APP: variants seen among roughly 807,000 people sequenced by gnomAD.
APP encodes the protein amyloid-beta precursor protein.
APP carries 31 observed loss-of-function variants against 101.4 expected under a neutral mutation model. The observed-to-expected ratio is 0.31, with a 90% CI of 0.23 to 0.41. The LOEUF (loss-of-function observed/expected upper bound fraction) is 0.41, where lower values mean the gene tolerates loss of function less well. APP is among the 10% of genes least tolerant of loss of function. APP has a pLI of 1.00. For synonymous variants in APP, 366 were observed against 364.4 expected, an observed-to-expected ratio of 1.00 and a Z score of -0.05; for missense variants, 839 against 1,003.7, an observed-to-expected ratio of 0.84 and a Z score of 2.22.
intron 1 of APP, among the ~76,000 whole-genome samples, chr21:26,152,449 A>G (rs1022423854): frequency 6.6e-6 from 1 of 152,242 alleles, no homozygotes; most frequent in Non-Finnish European, 1.5e-5. Flanking sequence ...TTACATGTAC[A>G]AAGAACTTAA....
chr21:25,995,178 C>T (rs1467248695), intron 8 of APP, among the ~76,000 whole-genome samples: 1 of 152,100 alleles, frequency 6.6e-6, no homozygotes, highest in Non-Finnish European at 1.5e-5. Flanking sequence ...TGCTTGTTTC[C>T]ATCAGTTATT....
At chr21:26,105,406 A>C (rs772584962) in intron 2 of APP, among the ~76,000 whole-genome samples, 5 of 152,188 alleles carry the variant, frequency 3.3e-5, no homozygotes, top group Non-Finnish European at 5.9e-5. Context: ...AAATATAAAA[A>C]TAATACAACT....
Position 26,061,383 on chromosome 21 carries a change from A to C in APP, c.356-8035T>G, listed in dbSNP as rs373341332. ...GACAGCTACAGATAAATGTTTTCTT[A>C]AGTGATTTTTTATTTTACCATTTCA... On this transcript the variant is annotated intron_variant, in intron 3 of 17. Coordinates refer to ENST00000346798, the MANE Select transcript of APP (RefSeq NM_000484.4). 2.6e-5 allele frequency among the ~76,000 whole-genome samples: 4 copies of C among 152,296 alleles called. No homozygotes were observed. The South Asian group carries it at 8.3e-4, about 32-fold the overall frequency.
At chr21:25,972,187 T>C (rs1383716142) in intron 11 of APP, among the ~76,000 whole-genome samples, 1 of 152,178 alleles carries the variant, frequency 6.6e-6, no homozygotes, top group African/African-American at 2.4e-5. Context: ...GTAGCCCAGG[T>C]TAAATTTCTA....
chr21:25,929,573 T>C (rs1331228235), intron 13 of APP, among the ~76,000 whole-genome samples: 1 of 152,198 alleles, frequency 6.6e-6, no homozygotes, highest in African/African-American at 2.4e-5. Flanking sequence ...AATTCTCCAG[T>C]TTCATTCCTT....
chr21:25,944,188 G>C (rs990194917), intron 13 of APP, among the ~76,000 whole-genome samples: 1 of 152,152 alleles, frequency 6.6e-6, no homozygotes, highest in African/African-American at 2.4e-5. Flanking sequence ...CATTAAACAG[G>C]CTTTTTTAAA....
intron 1 of APP, among the ~76,000 whole-genome samples, chr21:26,133,283 G>A (rs1248642844): frequency 6.6e-6 from 1 of 152,176 alleles, no homozygotes; most frequent in African/African-American, 2.4e-5. Context: ...GTAATCGGCA[G>A]CCTACGTAAG....
At chr21:26,123,767 T>C (rs2062624071) in intron 1 of APP, among the ~76,000 whole-genome samples, 1 of 152,154 alleles carries the variant, frequency 6.6e-6, no homozygotes, top group Admixed American at 6.5e-5. Context: ...AAAATCACAC[T>C]GCAGTCTTAC....
chr21:25,998,390 G>GGA (rs1568831116), intron 7 of APP, among the ~76,000 whole-genome samples: 1 of 110,056 alleles, frequency 9.1e-6, no homozygotes, highest in Non-Finnish European at 2.0e-5. Context: ...ATCAGAGCCA[G>GGA]AAAAAAAAAA....
intron 6 of APP, among the ~76,000 whole-genome samples, chr21:26,007,233 AT>A (rs1308182336): frequency 6.6e-6 from 1 of 151,596 alleles, no homozygotes; most frequent in East Asian, 1.9e-4. Flanking sequence ...TAAGACAAAT[AT>A]AATTTATTTT....
At chr21:26,111,585 A>C (rs1294535715) in intron 2 of APP, among the ~76,000 whole-genome samples, 1 of 152,040 alleles carries the variant, frequency 6.6e-6, no homozygotes, top group African/African-American at 2.4e-5. Context: ...AAAATTAAAA[A>C]AAATCAGTCA....
intron 2 of APP, among the ~76,000 whole-genome samples, chr21:26,111,637 T>A (rs2062327191): frequency 6.6e-6 from 1 of 151,948 alleles, no homozygotes; most frequent in African/African-American, 2.4e-5. Context: ...CTTGGGAGGC[T>A]GAGGTGGGAG....
intron 6 of APP, among the ~76,000 whole-genome samples, chr21:26,003,021 A>G (rs1257226564): frequency 1.3e-5 from 2 of 152,232 alleles, no homozygotes; most frequent in African/African-American, 2.4e-5. Context: ...TTTCTTACTT[A>G]TGATAAAGGC....
chr21:26,028,250 C>G (rs1013559184), intron 5 of APP, among the ~76,000 whole-genome samples: 11 of 151,624 alleles, frequency 7.3e-5, no homozygotes, highest in African/African-American at 2.7e-4. Context: ...AAATCACAAT[C>G]TTGATCTGAA....
chr21:26,077,050 G>A (rs1200795355), intron 3 of APP, among the ~76,000 whole-genome samples: 18 of 134,420 alleles, frequency 1.3e-4, no homozygotes, highest in Non-Finnish European at 2.0e-4. Flanking sequence ...GCGACAGAGT[G>A]AGACTCTGTC....
intron 1 of APP, among the ~76,000 whole-genome samples, chr21:26,165,084 G>A (rs1248899628): frequency 6.6e-6 from 1 of 152,058 alleles, no homozygotes; most frequent in Non-Finnish European, 1.5e-5. Context: ...AATTGTATCT[G>A]AGATACCATG....
chr21:26,032,370 T>G (rs2044868523), intron 5 of APP, among the ~76,000 whole-genome samples: 1 of 152,230 alleles, frequency 6.6e-6, no homozygotes, highest in South Asian at 2.1e-4. Flanking sequence ...TACACTTACA[T>G]ATACTCCAGT....
chr21:26,108,895 G>GA (rs200535270), intron 2 of APP, among the ~76,000 whole-genome samples: 3,136 of 148,458 alleles, frequency 0.021, 110 homozygotes, highest in African/African-American at 0.073. Flanking sequence ...AAAAACAAAA[G>GA]AAAAAAAAAG....
At chr21:25,997,108 A>C in intron 8 of APP, 1 of 541,942 alleles carries the variant, frequency 1.8e-6, no homozygotes, top group Admixed American at 3.2e-5. Context: ...ATATTCAATA[A>C]AACCAGACTA....
Sources: allele counts gnomAD v4.1 joint callset (sites outside exome capture counted in the v4.1 genomes callset), GRCh38; gene constraint gnomAD v4.1.1; transcripts MANE v1.5; gene names NCBI Gene and HGNC (gene_info 2026-07-23, HGNC 2026-07-21).